EPC1: variants seen among roughly 807,000 people sequenced by gnomAD.
The protein encoded by EPC1 is enhancer of polycomb 1.
Under a neutral mutation model 98.4 loss-of-function variants are expected in EPC1, and 12 were observed. That is an observed-to-expected ratio of 0.12 (90% confidence interval 0.08 to 0.20). The LOEUF (loss-of-function observed/expected upper bound fraction) is 0.20, where lower values mean the gene tolerates loss of function less well. EPC1 is among the 10% of genes least tolerant of loss of function. The pLI is 1.00. For missense variants in EPC1, 729 were observed against 990.5 expected, an observed-to-expected ratio of 0.74 and a Z score of 3.54; for synonymous variants, 357 against 363.9, an observed-to-expected ratio of 0.98 and a Z score of 0.21.
chr10:32,352,773 G>A (rs1444646998), intron 1 of EPC1, among the ~76,000 whole-genome samples: 1 of 152,192 alleles, frequency 6.6e-6, no homozygotes, highest in South Asian at 2.1e-4. Context: ...TTTCGTGACA[G>A]CCCTGTTAGG....
At chr10:32,285,475 T>C (rs954380945) in intron 9 of EPC1, 5 of 161,488 alleles carry the variant, frequency 3.1e-5, no homozygotes, top group Admixed American at 6.1e-5. Context: ...ATGTTATTGA[T>C]TGATTGACTG....
In EPC1 at chr10:32,347,042, C is replaced by G; in HGVS notation, c.-127G>C. 1 of 1,474,530 alleles carries G rather than the reference C, an allele frequency of 6.8e-7. No individual in the cohort carries two copies. Among genetic ancestry groups the G allele is most frequent in the Non-Finnish European group, 8.9e-7 (1 of 1,118,868 alleles). The allele number at this position is 1,474,530 out of a possible 1,614,324, so 91.3% of individuals were successfully genotyped here. On this transcript the variant is annotated 5_prime_UTR_variant, in exon 1 of 14. Coordinates refer to ENST00000319778, the MANE Select transcript of EPC1 (RefSeq NM_001272004.3). ...GACTTGAGGGGCGGAGCGCAGAGCC[C>G]GCCGTCCGGGCACTAACACCAGCCG...
intron 1 of EPC1, among the ~76,000 whole-genome samples, chr10:32,361,939 G>T (rs1372591175): frequency 6.6e-6 from 1 of 152,160 alleles, no homozygotes; most frequent in Non-Finnish European, 1.5e-5. Flanking sequence ...TCAAAACCAA[G>T]ATAGTGATGA....
intron 1 of EPC1, chr10:32,345,176 GCTACT>G (rs879761853): frequency 1.4e-5 from 14 of 982,356 alleles, no homozygotes; most frequent in Non-Finnish European, 1.5e-5. Flanking sequence ...AAATGGCCAT[GCTACT>G]CTAAAGTTGA....
At chr10:32,290,610 T>G (rs1306289374) in intron 6 of EPC1, among the ~76,000 whole-genome samples, 1 of 151,810 alleles carries the variant, frequency 6.6e-6, no homozygotes, top group East Asian at 1.9e-4. Context: ...ATCCTACAAC[T>G]TGTAAAAGGA....
intron 1 of EPC1, among the ~76,000 whole-genome samples, chr10:32,320,198 T>A (rs1217391183): frequency 6.6e-6 from 1 of 152,068 alleles, no homozygotes; most frequent in Non-Finnish European, 1.5e-5. Flanking sequence ...GTTGTTTTTT[T>A]TTTTTAAATA....
Position 32,273,985 on chromosome 10 carries a change from C to T in EPC1, c.1745-704G>A, listed in dbSNP as rs1312343509. On this transcript the variant is annotated intron_variant, in intron 10 of 13. Transcript: ENST00000319778. ...GTTGATTTACTGTACAGAATGATGT[C>T]TGAGGAAAGACACTGTGTTATGCTA... is the stretch of plus-strand genomic sequence containing the variant. 4.0e-5 allele frequency: 6 copies of T among 151,890 alleles called. No homozygotes were observed. The South Asian group carries it at 1.0e-3, about 26-fold the overall frequency. 9.4% of individuals were successfully genotyped at this position (151,890 alleles called of 1,614,324 possible).
At chr10:32,288,067 C>T (rs1333539498) in intron 6 of EPC1, among the ~76,000 whole-genome samples, 1 of 152,088 alleles carries the variant, frequency 6.6e-6, no homozygotes, top group Non-Finnish European at 1.5e-5. Context: ...ACGGCAAATA[C>T]CACGGTTATG....
chr10:32,305,250 G>A (rs1835807375), intron 2 of EPC1, among the ~76,000 whole-genome samples: 1 of 152,246 alleles, frequency 6.6e-6, no homozygotes, highest in African/African-American at 2.4e-5. Flanking sequence ...ATTCTGGCCT[G>A]CCATCTGTTT....
At chr10:32,346,569 G>T in intron 1 of EPC1, 194 bp downstream of exon 1, 1 of 610,034 alleles carries the variant, frequency 1.6e-6, no homozygotes, top group African/African-American at 1.9e-5. Context: ...GGTGGCCTTA[G>T]AAGGGGCCCC....
intron 1 of EPC1, among the ~76,000 whole-genome samples, chr10:32,340,985 AC>A (rs1317478668): frequency 6.6e-6 from 1 of 152,214 alleles, no homozygotes; most frequent in African/African-American, 2.4e-5. Context: ...AAAAGTAAAT[AC>A]ATACTCTAGT....
intron 13 of EPC1, among the ~76,000 whole-genome samples, chr10:32,271,044 A>G (rs1835817860): frequency 6.6e-6 from 1 of 150,718 alleles, no homozygotes; most frequent in Non-Finnish European, 1.5e-5. Context: ...TGCCCTGGCC[A>G]GAGTGCAATG....
chr10:32,347,356 A>AGGGCGGACT (rs1224077559), upstream of EPC1: 1 of 262,078 alleles, frequency 3.8e-6, no homozygotes, highest in Non-Finnish European at 6.0e-6. Context: ...GGGGGCGGAC[A>AGGGCGGACT]GGGCGGACTG....
At chr10:32,350,009 T>G (rs538961749), upstream of EPC1, among the ~76,000 whole-genome samples, 1 of 152,278 alleles carries the variant, frequency 6.6e-6, no homozygotes, top group East Asian at 1.9e-4. Context: ...TCCGAAAGAT[T>G]CCTTGAAAAA....
At chr10:32,294,145 CTA>C (rs1327581851) in intron 2 of EPC1, among the ~76,000 whole-genome samples, 1 of 151,950 alleles carries the variant, frequency 6.6e-6, no homozygotes, top group East Asian at 1.9e-4. Flanking sequence ...AGATTTTTTT[CTA>C]TAATATTTAA....
intron 10 of EPC1, chr10:32,282,144 A>ATC (rs907980843): frequency 1.8e-4 from 28 of 152,196 alleles, no homozygotes; most frequent in African/African-American, 6.8e-4. Flanking sequence ...GTAGGTATCT[A>ATC]TCCTCTAAGT....
intron 1 of EPC1, among the ~76,000 whole-genome samples, chr10:32,323,690 T>C (rs2132924086): frequency 6.6e-6 from 1 of 152,296 alleles, no homozygotes; most frequent in East Asian, 1.9e-4. Context: ...ATTGCCATTA[T>C]AAGAAAAAAC....
chr10:32,273,544 TCAA>T (rs1835939035), intron 10 of EPC1, among the ~76,000 whole-genome samples: 1 of 151,834 alleles, frequency 6.6e-6, no homozygotes, highest in East Asian at 1.9e-4. Context: ...TTCCCAAATT[TCAA>T]CACCACTATT....
At chr10:32,358,995 C>A (rs1292964130) in intron 1 of EPC1, among the ~76,000 whole-genome samples, 1 of 152,218 alleles carries the variant, frequency 6.6e-6, no homozygotes, top group South Asian at 2.1e-4. Context: ...TCAGGGAAGT[C>A]CTGCAGAAAA....
Sources: allele counts gnomAD v4.1 joint callset (sites outside exome capture counted in the v4.1 genomes callset), GRCh38; gene constraint gnomAD v4.1.1; transcripts MANE v1.5; gene names NCBI Gene and HGNC (gene_info 2026-07-23, HGNC 2026-07-21).